The following ADNP variants were observed in gnomAD, a reference collection of about 807,000 sequenced individuals.
The protein encoded by ADNP is activity-dependent neuroprotector homeobox protein.
In ADNP, 4 loss-of-function variants were observed where a neutral mutation model predicts 84.9. The ratio of observed to expected loss-of-function variants is 0.05; its 90% confidence interval spans 0.02 to 0.11. ADNP has a LOEUF of 0.11. ADNP is among the 10% of genes least tolerant of loss of function. The pLI, the probability that ADNP is intolerant of heterozygous loss-of-function variation, is 1.00. For synonymous variants in ADNP, 554 were observed against 468.1 expected (o/e 1.18, Z -2.37); for missense variants, 1,132 against 1,326.0 (o/e 0.85, Z 2.27).
intron 5 of ADNP, among the ~76,000 whole-genome samples, chr20:50,898,974 G>A (rs1230841420): frequency 1.3e-5 from 2 of 152,092 alleles, no homozygotes; most frequent in Admixed American, 6.6e-5. Flanking sequence ...AGATTATAAC[G>A]GGGCTGAAAA....
chr20:50,893,005 T>C lies in ADNP; in HGVS notation c.1709A>G (p.Asn570Ser). ...AGATTCAGCTGGGGCATCCCTCAGA[T>C]TGTATGTAGTTACCAGGAGATGGAT... is the stretch of plus-strand genomic sequence containing the variant. ...TNIHLLVTTY[N>S]LRDAPAESVA... The change falls in exon 6 of 6, where the codon AAT (asparagine) becomes AGT (serine). Residue 570 changes from asparagine to serine, a missense_variant. Physicochemically the swap from Asn to Ser is conservative, Grantham distance 46. This residue lies in a region of ADNP where 87 missense variants were observed against 181.4 expected (regional missense o/e 0.48). Transcript: ENST00000621696. This position sits in a 1 kb window ranked among gnomAD's most constrained non-coding sequence, Gnocchi z 4.4. 6 of 1,614,208 alleles carry C rather than the reference T, an allele frequency of 3.7e-6. No individual in the cohort carries two copies. Among genetic ancestry groups the C allele is most frequent in the South Asian group, 1.1e-5 (1 of 91,084 alleles).
At chr20:50,905,706 C>G (rs1982411095) in intron 2 of ADNP, 2 of 152,144 alleles carry the variant, frequency 1.3e-5, no homozygotes, top group South Asian at 4.1e-4. Context: ...AATTGCTGCT[C>G]ACTATGAAGC....
rs921315251 is a variant in ADNP, at chr20:50,893,127, T to C, written c.1587A>G (p.Ala529=). The C allele has an allele frequency of 1.2e-6, 2 of 1,614,154 alleles. No homozygotes were observed. The highest frequency in any genetic ancestry group is 1.3e-5 in the African/African-American group (1 of 74,950). Reference sequence around the variant, plus strand: ...CATCAATGTGAACCATCCGCATGTGTGCGGCCATCTTTTCCACATCATTGA... The same window carrying C: ...CATCAATGTGAACCATCCGCATGTGCGCGGCCATCTTTTCCACATCATTGA... ...STFNDVEKMA[A]HMRMVHIDEE... Residue 529 remains alanine (A), a synonymous_variant, in exon 6 of 6, where the codon GCA becomes GCG. Transcript: ENST00000621696. The surrounding 1 kb of genome is among the most constrained non-coding windows in gnomAD (Gnocchi z 4.4).
At chr20:50,900,687 T>TA (rs1981883107) in intron 5 of ADNP, among the ~76,000 whole-genome samples, 1 of 152,252 alleles carries the variant, frequency 6.6e-6, no homozygotes, top group Non-Finnish European at 1.5e-5. Context: ...CACGATGTTT[T>TA]AGTGCAATTA....
intron 2 of ADNP, among the ~76,000 whole-genome samples, chr20:50,912,560 C>T (rs572402243): frequency 7.9e-5 from 12 of 152,220 alleles, no homozygotes; most frequent in South Asian, 2.1e-4. Flanking sequence ...AAAAAGGTTC[C>T]CTGCCCCCAA....
intron 4 of ADNP, 53 bp from the exon 5 acceptor site, chr20:50,902,162 C>A (rs1396906362): frequency 2.3e-6 from 3 of 1,317,894 alleles, no homozygotes; most frequent in Middle Eastern, 1.8e-4. Context: ...AACGCTAACC[C>A]AATCTTACAT....
In ADNP at chr20:50,928,897, A is replaced by G. The variant is rs568725189; in HGVS notation, c.-264-72T>C. ...CTAAGAAGGTGGGTGCTCACAGAAG[A>G]CTGGTATCAACATTTTTGTAAAGGT... On this transcript the variant is annotated intron_variant, in intron 1 of 5. Coordinates refer to ENST00000621696, the MANE Select transcript of ADNP (RefSeq NM_001282531.3). 5.3e-5 allele frequency: 8 copies of G among 152,340 alleles called. No individual in the cohort carries two copies. In the South Asian group the frequency reaches 1.7e-3, roughly 32 times the overall value. 9.4% of individuals were successfully genotyped at this position (152,340 alleles called of 1,614,324 possible).
In ADNP at chr20:50,892,398, T is replaced by G. The variant is rs759733416; in HGVS notation, c.2316A>C (p.Thr772=). ...DSYEARKSFL[T]KYFNKQPYPT... is the part of the protein sequence containing the mutation. ...GATAGGGCTGTTTGTTGAAATACTTTGTTAGAAAGCTTTTCCTGGCTTCAT... is the reference window on the plus strand; with the variant it reads ...GATAGGGCTGTTTGTTGAAATACTTGGTTAGAAAGCTTTTCCTGGCTTCAT... The change falls in exon 6 of 6, where the codon ACA becomes ACC. Residue 772 remains threonine (T), a synonymous_variant. Transcript: ENST00000621696. The G allele has an allele frequency of 6.2e-7, 1 of 1,614,240 alleles. No homozygotes were observed. The highest frequency in any genetic ancestry group is 1.7e-5 in the Admixed American group (1 of 60,032).
chr20:50,907,990 T>A (rs545257337), intron 2 of ADNP, among the ~76,000 whole-genome samples: 1 of 152,314 alleles, frequency 6.6e-6, no homozygotes, highest in African/African-American at 2.4e-5. Context: ...ACATTCCTAA[T>A]AACCTTGGAA....
Position 50,891,678 on chromosome 20 carries a change from A to G in ADNP, c.3036T>C (p.Ala1012=). ...CTTGCATGGTAGCCTTTTTTTTGGC[A>G]GCTGGCTTACTGCTCCTTGCATCTT... ...QSEDARSSKP[A]AKKKATMQGD... is the part of the protein sequence containing the mutation. The change falls in exon 6 of 6, where the codon GCT becomes GCC. Residue 1012 remains alanine, a synonymous_variant. Coordinates refer to ENST00000621696, the MANE Select transcript of ADNP (RefSeq NM_001282531.3). 1 of 1,613,880 alleles carries G rather than the reference A, an allele frequency of 6.2e-7. No individual in the cohort carries two copies. The highest frequency in any genetic ancestry group is 8.5e-7 in the Non-Finnish European group (1 of 1,179,948).
At chr20:50,913,362 T>G (rs562065948) in intron 2 of ADNP, among the ~76,000 whole-genome samples, 1 of 151,530 alleles carries the variant, frequency 6.6e-6, no homozygotes, top group African/African-American at 2.4e-5. Flanking sequence ...ATTTCATTTT[T>G]TGATAACATC....
At chr20:50,895,859 C>T (rs2122774501) in intron 5 of ADNP, among the ~76,000 whole-genome samples, 1 of 152,318 alleles carries the variant, frequency 6.6e-6, no homozygotes, top group African/African-American at 2.4e-5. Context: ...ATAATAACCT[C>T]AGCTTGCTGT....
intron 2 of ADNP, among the ~76,000 whole-genome samples, chr20:50,906,475 T>C (rs573650607): frequency 1.4e-4 from 22 of 152,330 alleles, no homozygotes; most frequent in African/African-American, 5.3e-4. Context: ...ATAACAGATG[T>C]GTCCAGAAGC....
At chr20:50,904,040 T>A in intron 3 of ADNP, 39 bp from the exon 4 acceptor site, 1 of 1,447,372 alleles carries the variant, frequency 6.9e-7, no homozygotes, top group Non-Finnish European at 9.6e-7. Flanking sequence ...TCAAAACACG[T>A]ACAACTTGTA....
intron 5 of ADNP, among the ~76,000 whole-genome samples, chr20:50,900,251 G>A (rs1453458728): frequency 6.6e-6 from 1 of 152,090 alleles, no homozygotes; most frequent in African/African-American, 2.4e-5. Context: ...ATAGTATTCA[G>A]TATATAGTAT....
chr20:50,913,900 TG>T (rs1251720562), intron 2 of ADNP: 1 of 631,410 alleles, frequency 1.6e-6, no homozygotes, highest in Non-Finnish European at 3.0e-6. Flanking sequence ...ATTGAATTTT[TG>T]TTTCAACTTG....
intron 2 of ADNP, among the ~76,000 whole-genome samples, chr20:50,927,921 G>C (rs1956431000): frequency 6.6e-6 from 1 of 152,080 alleles, no homozygotes; most frequent in Admixed American, 6.6e-5. Context: ...GTCATTTTCA[G>C]AACTTAAATA....
intron 2 of ADNP, among the ~76,000 whole-genome samples, chr20:50,922,048 G>A (rs1453230724): frequency 6.6e-6 from 1 of 152,104 alleles, no homozygotes; most frequent in East Asian, 1.9e-4. Context: ...TGGACAATCT[G>A]GCTTAAGATC....
chr20:50,902,737 G>A (rs750428659), intron 4 of ADNP, among the ~76,000 whole-genome samples: 1 of 152,138 alleles, frequency 6.6e-6, no homozygotes, highest in Non-Finnish European at 1.5e-5. Flanking sequence ...AGTTCAAGGT[G>A]GAAAATGAAG....
Sources: gnomAD v4.1 joint callset for allele counts (sites outside exome capture counted in the v4.1 genomes callset) on GRCh38, gnomAD v4.1.1 for gene constraint, gnomAD v4.1.1 regional missense constraint, Gnocchi (gnomAD v3.1) non-coding constraint, MANE v1.5 for transcripts, NCBI Gene and HGNC (gene_info 2026-07-23, HGNC 2026-07-21) for gene names.